Variants in ACOX3 observed in about 807,000 individuals in gnomAD.
ACOX3 encodes the protein acyl-CoA oxidase 3, pristanoyl.
Under a neutral mutation model 81.5 loss-of-function variants are expected in ACOX3, and 73 were observed. That is an observed-to-expected ratio of 0.90 (90% CI 0.74 to 1.09). ACOX3 has a LOEUF of 1.09. Ranked by LOEUF, ACOX3 falls within the 50% of genes least tolerant of loss-of-function variation. The probability of loss-of-function intolerance (pLI) is 0.00; values close to 1 mark genes in which losing one functional copy is unlikely to be tolerated. For missense variants in ACOX3, 947 were observed against 928.0 expected (o/e 1.02, Z -0.27); for synonymous variants, 387 against 375.1 (o/e 1.03, Z -0.37).
rs1720168680 is a variant in ACOX3, at chr4:8,399,873, G to C, written c.777-221C>G. On this transcript the variant is annotated intron_variant, in intron 7 of 17. Coordinates refer to ENST00000356406, the MANE Select transcript of ACOX3 (RefSeq NM_003501.3). This position sits in a 1 kb window ranked among gnomAD's most constrained non-coding sequence, Gnocchi z 4.9. ...CCAACTCTTTGGAAGACTGAGGCAG[G>C]AGGATTGCTTGAGCCCAGGAGTTTG... 6.6e-6 allele frequency among the ~76,000 whole-genome samples: 1 copy of C among 152,224 alleles called. No homozygotes were observed. The highest frequency in any genetic ancestry group is 6.5e-5 in the Admixed American group (1 of 15,274).
In ACOX3 at chr4:8,430,003, G is replaced by A. The variant is rs1189997391; in HGVS notation, c.-15+10645C>T. On this transcript the variant is annotated intron_variant, in intron 1 of 17. Transcript: ENST00000356406. The surrounding 1 kb of genome is among the most constrained non-coding windows in gnomAD (Gnocchi z 5.2). ...AAGATGGGCAGTGCAGCTCAGTTAT[G>A]GGGAGGAGAAAGAGAAGTACAATTT... is the stretch of plus-strand genomic sequence containing the variant. 1.3e-5 allele frequency among the ~76,000 whole-genome samples: 2 copies of A among 152,108 alleles called. No individual in the cohort carries two copies. Among genetic ancestry groups the A allele is most frequent in the Non-Finnish European group, 2.9e-5 (2 of 68,022 alleles).
intron 8 of ACOX3, among the ~76,000 whole-genome samples, chr4:8,398,222 G>A (rs1719936339): frequency 6.6e-6 from 1 of 152,122 alleles, no homozygotes; most frequent in South Asian, 2.1e-4. Flanking sequence ...TATAAAATAT[G>A]ATTCCACTGT....
At chr4:8,410,642 C>T (rs1228642123) in intron 5 of ACOX3, among the ~76,000 whole-genome samples, 1 of 152,102 alleles carries the variant, frequency 6.6e-6, no homozygotes, top group African/African-American at 2.4e-5. Flanking sequence ...TCCCTAACCA[C>T]GCCCCTTAGG....
rs1193683276 is a variant in ACOX3 at position 8,422,640 on chromosome 4, T to C, written c.-14-6105A>G. On this transcript the variant is annotated intron_variant, in intron 1 of 17. Coordinates refer to ENST00000356406, the MANE Select transcript of ACOX3 (RefSeq NM_003501.3). ...GCTTTCATCCTGATCTATTGTGTTGTTGTAGGCATAGCTCCAGTTGTTAAA... is the reference window on the plus strand; with the variant it reads ...GCTTTCATCCTGATCTATTGTGTTGCTGTAGGCATAGCTCCAGTTGTTAAA... Among the ~76,000 whole-genome samples the C allele has an allele frequency of 4.6e-5, 7 of 152,358 alleles. No homozygotes were observed. In the East Asian group the frequency reaches 9.6e-4, roughly 21 times the overall value.
intron 11 of ACOX3, among the ~76,000 whole-genome samples, chr4:8,391,077 T>C (rs1718944620): frequency 2.0e-5 from 2 of 97,784 alleles, no homozygotes; most frequent in African/African-American, 7.1e-5. Flanking sequence ...ATGTATATGA[T>C]TAATCTTGAT....
In ACOX3 at chr4:8,419,534, A is replaced by G. The variant is rs1722710985; in HGVS notation, c.-14-2999T>C. ...TCTCATGCCCTTCCAGTGAAAATGT[A>G]AAGTGACCCAGCCATTCTGGAGAAC... On this transcript the variant is annotated intron_variant, in intron 1 of 17. Coordinates refer to ENST00000356406, the MANE Select transcript of ACOX3 (RefSeq NM_003501.3). The surrounding 1 kb of genome is among the most constrained non-coding windows in gnomAD (Gnocchi z 4.2). Among the ~76,000 whole-genome samples the G allele has an allele frequency of 1.3e-5, 2 of 152,222 alleles. No homozygotes were observed. Among genetic ancestry groups the G allele is most frequent in the South Asian group, 4.1e-4 (2 of 4,828 alleles).
At chr4:8,372,010 C>G (rs1178807903) in intron 16 of ACOX3, among the ~76,000 whole-genome samples, 1 of 152,240 alleles carries the variant, frequency 6.6e-6, no homozygotes, top group Non-Finnish European at 1.5e-5. Flanking sequence ...TGACCTTGGC[C>G]TCCCCAAGAC....
At chr4:8,374,734 G>T in intron 15 of ACOX3, 1 of 407,486 alleles carries the variant, frequency 2.5e-6, no homozygotes, top group Non-Finnish European at 4.3e-6. Context: ...GGGGCCTTCT[G>T]GAAGTGTTCT....
chr4:8,429,110 C>G (rs1383741309), intron 1 of ACOX3, among the ~76,000 whole-genome samples: 1 of 152,166 alleles, frequency 6.6e-6, no homozygotes, highest in Non-Finnish European at 1.5e-5. Flanking sequence ...CACCCAAAGC[C>G]TCGTCTCAAG....
In ACOX3 at chr4:8,399,534, G is replaced by A. The variant is rs377440237; in HGVS notation, c.873+22C>T. 7.5e-6 allele frequency: 12 copies of A among 1,594,136 alleles called. No individual in the cohort carries two copies. In the African/African-American group the frequency reaches 8.0e-5, roughly 11 times the overall value. ...AAGGCACCTGGGAAGCACGGCACAC[G>A]AACGGCCCCCCATGCCTGTACCTTA... On this transcript the variant is annotated intron_variant, in intron 8 of 17. Coordinates refer to ENST00000356406, the MANE Select transcript of ACOX3 (RefSeq NM_003501.3). This position sits in a 1 kb window ranked among gnomAD's most constrained non-coding sequence, Gnocchi z 4.9.
In ACOX3 at chr4:8,424,694, G is replaced by C. The variant is rs186911820; in HGVS notation, c.-14-8159C>G. ...GGGCCAGTGCTGCGACTGCGCACTCGTGCAACTCTTAATCCAGCCACATTT... is the reference window on the plus strand; with the variant it reads ...GGGCCAGTGCTGCGACTGCGCACTCCTGCAACTCTTAATCCAGCCACATTT... On this transcript the variant is annotated intron_variant, in intron 1 of 17. Coordinates refer to ENST00000356406, the MANE Select transcript of ACOX3 (RefSeq NM_003501.3). Among the ~76,000 whole-genome samples, 9 of 152,324 alleles carry C rather than the reference G, an allele frequency of 5.9e-5. 1 individual carries two copies. Among genetic ancestry groups the C allele is most frequent in the African/African-American group, 2.2e-4 (9 of 41,562 alleles).
chr4:8,418,058 G>A lies in ACOX3; in HGVS notation c.-14-1523C>T, dbSNP rs377009230. On this transcript the variant is annotated intron_variant, in intron 1 of 17. Coordinates refer to ENST00000356406, the MANE Select transcript of ACOX3 (RefSeq NM_003501.3). ...AATTAGCAATCAATAAACTGTCCACGAAGAAAAACCAGGGGTTCCATTGTG... is the reference window on the plus strand; with the variant it reads ...AATTAGCAATCAATAAACTGTCCACAAAGAAAAACCAGGGGTTCCATTGTG... Among the ~76,000 whole-genome samples the A allele has an allele frequency of 4.5e-4, 69 of 152,220 alleles. No homozygotes were observed. The East Asian group carries it at 9.8e-3, about 22-fold the overall frequency.
rs544159581 is a variant in ACOX3, at chr4:8,376,139, ATC to A, written c.1654-989_1654-988del. On this transcript the variant is annotated intron_variant, in intron 14 of 17. Coordinates refer to ENST00000356406, the MANE Select transcript of ACOX3 (RefSeq NM_003501.3). ...GAATCTGCGTTCCCACCAACCGTGT[ATC>A]TGTGTCACTTTTCTCTACAGCCTCG... Among the ~76,000 whole-genome samples, 312 of 152,246 alleles carry A rather than the reference ATC, an allele frequency of 2.0e-3. 1 individual carries two copies. Among genetic ancestry groups the A allele is most frequent in the African/African-American group, 7.1e-3 (294 of 41,534 alleles).
At chr4:8,373,514 G>A (rs746520904) in intron 16 of ACOX3, 47 bp downstream of exon 16, 9 of 1,601,402 alleles carry the variant, frequency 5.6e-6, no homozygotes, top group Admixed American at 5.0e-5. Context: ...CGCTCTGGGC[G>A]GTTGTGTAAC....
intron 1 of ACOX3, among the ~76,000 whole-genome samples, chr4:8,426,206 C>T (rs1412917575): frequency 6.6e-6 from 1 of 152,034 alleles, no homozygotes; most frequent in Non-Finnish European, 1.5e-5. Context: ...AACCTGTACC[C>T]GAGAGGAGGG....
In ACOX3 at chr4:8,381,602, G is replaced by A. The variant is rs756019084; in HGVS notation, c.1543C>T (p.Leu515=). ...VADCLDSAVA[L]AAYKWLVCYL... ...CAAACCAGCCACTTGTATGCTGCCA[G>A]GGCGACTTCGGAATGACAAACAGAA... The change falls in exon 14 of 18, where the codon CTG becomes TTG. Residue 515 remains leucine, a synonymous_variant. Transcript: ENST00000356406. This position sits in a 1 kb window ranked among gnomAD's most constrained non-coding sequence, Gnocchi z 4.3. 4.1e-5 allele frequency: 66 copies of A among 1,610,726 alleles called. No individual in the cohort carries two copies. The South Asian group carries it at 7.0e-4, about 17-fold the overall frequency.
In ACOX3 at chr4:8,406,123, C is replaced by A. The variant is rs1720924738; in HGVS notation, c.688-80G>T. ...CAAAACAAATGTGTTCAGAAACCCA[C>A]AGGGTGGGCCATGGGCTCAACGCTG... On this transcript the variant is annotated intron_variant, in intron 6 of 17. Coordinates refer to ENST00000356406, the MANE Select transcript of ACOX3 (RefSeq NM_003501.3). The surrounding 1 kb of genome is among the most constrained non-coding windows in gnomAD (Gnocchi z 5.6). The A allele has an allele frequency of 7.1e-7, 1 of 1,405,956 alleles. No individual in the cohort carries two copies. The highest frequency in any genetic ancestry group is 1.0e-6 in the Non-Finnish European group (1 of 995,632). The allele number at this position is 1,405,956 out of a possible 1,614,324, so 87.1% of individuals were successfully genotyped here.
chr4:8,388,138 C>T (rs1477120573), intron 13 of ACOX3, among the ~76,000 whole-genome samples: 2 of 152,200 alleles, frequency 1.3e-5, no homozygotes, highest in Non-Finnish European at 1.5e-5. Flanking sequence ...CACACCCGTC[C>T]ATCGGGGGTC....
At chr4:8,411,991 A>C (rs1381320113) in intron 5 of ACOX3, among the ~76,000 whole-genome samples, 4 of 152,336 alleles carry the variant, frequency 2.6e-5, no homozygotes, top group Admixed American at 6.5e-5. Flanking sequence ...ATCAAATGCC[A>C]AAAAGAAGGA....
Sources: allele counts gnomAD v4.1 joint callset (sites outside exome capture counted in the v4.1 genomes callset), GRCh38; gene constraint gnomAD v4.1.1; non-coding constraint Gnocchi (gnomAD v3.1); transcripts MANE v1.5; gene names NCBI Gene and HGNC (gene_info 2026-07-23, HGNC 2026-07-21).